The following BRINP3 variants were observed in gnomAD, a reference collection of about 807,000 sequenced individuals.
BRINP3 encodes the protein BMP/retinoic acid inducible neural specific 3, also known as BMP/retinoic acid-inducible neural-specific protein 3.
BRINP3 carries 19 observed loss-of-function variants against 71.0 expected under a neutral mutation model. The observed-to-expected ratio is 0.27, with a 90% CI of 0.19 to 0.39. The LOEUF (loss-of-function observed/expected upper bound fraction) is 0.39, where lower values mean the gene tolerates loss of function less well. Ranked by LOEUF, BRINP3 falls within the 10% of genes least tolerant of loss-of-function variation. The pLI is 1.00. For synonymous variants in BRINP3, 380 were observed against 337.7 expected, an observed-to-expected ratio of 1.13 and a Z score of -1.37; for missense variants, 959 against 940.8, an observed-to-expected ratio of 1.02 and a Z score of -0.25.
intron 2 of BRINP3, among the ~76,000 whole-genome samples, chr1:190,370,158 T>A (rs1404418863): frequency 2.6e-5 from 4 of 152,198 alleles, no homozygotes; most frequent in Non-Finnish European, 4.4e-5. Context: ...GTCAAATTAA[T>A]CCATGAATGC....
At chr1:190,281,339 T>C (rs764797946) in intron 3 of BRINP3, among the ~76,000 whole-genome samples, 2 of 151,962 alleles carry the variant, frequency 1.3e-5, no homozygotes, top group Non-Finnish European at 2.9e-5. Context: ...TATTAGATTG[T>C]AAATAGCTTT....
intron 7 of BRINP3, among the ~76,000 whole-genome samples, chr1:190,155,868 C>T (rs533976652): frequency 6.6e-6 from 1 of 151,648 alleles, no homozygotes; most frequent in Admixed American, 6.6e-5. Flanking sequence ...TTCCTGCAGT[C>T]CCCCCAGCCA....
At chr1:190,188,374 T>C (rs1653727804) in intron 6 of BRINP3, among the ~76,000 whole-genome samples, 1 of 152,178 alleles carries the variant, frequency 6.6e-6, no homozygotes, top group Non-Finnish European at 1.5e-5. Context: ...CTTGTTTAAT[T>C]GCTCTTGCTA....
At chr1:190,156,592 A>G (rs1459647254) in intron 7 of BRINP3, among the ~76,000 whole-genome samples, 1 of 152,058 alleles carries the variant, frequency 6.6e-6, no homozygotes, top group Non-Finnish European at 1.5e-5. Context: ...ACAAAATGTT[A>G]CATTGGCAGT....
rs142949139 is a variant in BRINP3 at position 190,120,439 on chromosome 1, T to A, written c.1185-21305A>T. On this transcript the variant is annotated intron_variant, in intron 7 of 7. Coordinates refer to ENST00000367462, the MANE Select transcript of BRINP3 (RefSeq NM_199051.3). ...TCATATAACTACTGTTTTCTTATAA[T>A]GTCAAGCATTTAAATACAATTTTAC... Among the ~76,000 whole-genome samples the A allele has an allele frequency of 5.9e-5, 9 of 152,278 alleles. No individual in the cohort carries two copies. In the East Asian group the frequency reaches 1.7e-3, roughly 29 times the overall value.
Position 190,363,267 on chromosome 1 carries a change from G to A in BRINP3, c.237-81517C>T, listed in dbSNP as rs527963201. On this transcript the variant is annotated intron_variant, in intron 2 of 7. Coordinates refer to ENST00000367462, the MANE Select transcript of BRINP3 (RefSeq NM_199051.3). ...CTGTCTACAATGTAAGCTTGAAAGA[G>A]GACCCTGAGATTCAGAGAGGAATCT... Among the ~76,000 whole-genome samples the A allele has an allele frequency of 2.0e-5, 3 of 152,248 alleles. No individual in the cohort carries two copies. The South Asian group carries it at 6.2e-4, about 32-fold the overall frequency.
intron 2 of BRINP3, among the ~76,000 whole-genome samples, chr1:190,447,635 C>G (rs1484498446): frequency 6.7e-6 from 1 of 148,222 alleles, no homozygotes; most frequent in Non-Finnish European, 1.5e-5. Context: ...TATATATATA[C>G]TACATATAGA....
chr1:190,165,412 C>T (rs1228773687), intron 6 of BRINP3, among the ~76,000 whole-genome samples: 1 of 140,034 alleles, frequency 7.1e-6, no homozygotes, highest in East Asian at 2.1e-4. Context: ...CATACATGAA[C>T]ACATAGCAAG....
At chr1:190,219,432 A>G (rs1656681285) in intron 6 of BRINP3, among the ~76,000 whole-genome samples, 1 of 152,146 alleles carries the variant, frequency 6.6e-6, no homozygotes, top group African/African-American at 2.4e-5. Context: ...TCAAACAGAA[A>G]TCATGGAATA....
chr1:190,135,332 T>TA (rs2102366876), intron 7 of BRINP3, among the ~76,000 whole-genome samples: 1 of 152,232 alleles, frequency 6.6e-6, no homozygotes, highest in Non-Finnish European at 1.5e-5. Flanking sequence ...CTGTTTCAGT[T>TA]ATGCTTGGGG....
chr1:190,167,422 G>A (rs569261765), intron 6 of BRINP3, among the ~76,000 whole-genome samples: 1 of 152,230 alleles, frequency 6.6e-6, no homozygotes, highest in Non-Finnish European at 1.5e-5. Flanking sequence ...CTATATGCCT[G>A]CATATAATTG....
At chr1:190,376,481 T>C (rs1223185719) in intron 2 of BRINP3, among the ~76,000 whole-genome samples, 1 of 152,076 alleles carries the variant, frequency 6.6e-6, no homozygotes, top group Non-Finnish European at 1.5e-5. Flanking sequence ...TGTGACTTAG[T>C]ATGCATTTTA....
In BRINP3 at chr1:190,427,161, T is replaced by C. The variant is rs568748478; in HGVS notation, c.236+27494A>G. ...TATATTTATCTAATTTCTATGGGTA[T>C]GAAAAACTAGACATATTTATAAATA... On this transcript the variant is annotated intron_variant, in intron 2 of 7. Transcript: ENST00000367462. Among the ~76,000 whole-genome samples, 23 of 152,064 alleles carry C rather than the reference T, an allele frequency of 1.5e-4. No homozygotes were observed. The South Asian group carries it at 3.5e-3, about 23-fold the overall frequency.
At chr1:190,366,718 G>C (rs1669528352) in intron 2 of BRINP3, among the ~76,000 whole-genome samples, 1 of 152,108 alleles carries the variant, frequency 6.6e-6, no homozygotes, top group South Asian at 2.1e-4. Flanking sequence ...CAGTCATTGG[G>C]TAAATACACC....
At chr1:190,167,616 G>A (rs931273064) in intron 6 of BRINP3, among the ~76,000 whole-genome samples, 9 of 152,178 alleles carry the variant, frequency 5.9e-5, no homozygotes, top group African/African-American at 1.9e-4. Context: ...TTTGACCCCA[G>A]GATTGAATTT....
At chr1:190,229,727 T>A (rs1657774107) in intron 5 of BRINP3, among the ~76,000 whole-genome samples, 1 of 148,388 alleles carries the variant, frequency 6.7e-6, no homozygotes, top group South Asian at 2.1e-4. Context: ...TGAAGTATAG[T>A]TCCAACTGGC....
At chr1:190,269,865 A>G (rs1004139058) in intron 3 of BRINP3, among the ~76,000 whole-genome samples, 1 of 151,970 alleles carries the variant, frequency 6.6e-6, no homozygotes, top group African/African-American at 2.4e-5. Context: ...TCAATAATCT[A>G]CTCCACAATC....
chr1:190,310,387 T>C (rs1243052591), intron 2 of BRINP3, among the ~76,000 whole-genome samples: 1 of 151,722 alleles, frequency 6.6e-6, no homozygotes, highest in Non-Finnish European at 1.5e-5. Context: ...ATTCAAGTGC[T>C]AGTCAAATAC....
At chr1:190,301,184 TA>T (rs1558160423) in intron 2 of BRINP3, among the ~76,000 whole-genome samples, 4 of 112,892 alleles carry the variant, frequency 3.5e-5, no homozygotes, top group African/African-American at 9.7e-5. Context: ...TACATATATA[TA>T]TGTATATATA....
Sources: allele counts gnomAD v4.1 joint callset (sites outside exome capture counted in the v4.1 genomes callset), GRCh38; gene constraint gnomAD v4.1.1; transcripts MANE v1.5; gene names NCBI Gene and HGNC (gene_info 2026-07-23, HGNC 2026-07-21).